Variants in BBX observed in about 807,000 individuals in gnomAD.
The protein encoded by BBX is BBX high mobility group box domain containing, also known as HMG box transcription factor BBX.
In BBX, 30 loss-of-function variants were observed where a neutral mutation model predicts 100.2. The ratio of observed to expected loss-of-function variants is 0.30; its 90% confidence interval spans 0.22 to 0.41. The LOEUF (loss-of-function observed/expected upper bound fraction) is 0.41, where lower values mean the gene tolerates loss of function less well. Ranked by LOEUF, BBX falls within the 10% of genes least tolerant of loss-of-function variation. The pLI is 1.00. For missense variants in BBX, 1,023 were observed against 1,129.8 expected, an observed-to-expected ratio of 0.91 and a Z score of 1.35; for synonymous variants, 376 against 388.1, an observed-to-expected ratio of 0.97 and a Z score of 0.37.
chr3:107,539,436 T>C (rs935288061), intron 2 of BBX, among the ~76,000 whole-genome samples: 7 of 152,138 alleles, frequency 4.6e-5, no homozygotes, highest in Non-Finnish European at 8.8e-5. Context: ...CTTCAAGCTT[T>C]GGTTGTATAG....
intron 2 of BBX, among the ~76,000 whole-genome samples, chr3:107,554,840 G>T (rs992379350): frequency 6.6e-6 from 1 of 151,988 alleles, no homozygotes; most frequent in African/African-American, 2.4e-5. Context: ...AGGCTGAGGC[G>T]GGCAGATCAC....
chr3:107,792,574 T>C lies in BBX; in HGVS notation c.2353+1275T>C, dbSNP rs1559762303. 3.3e-5 allele frequency among the ~76,000 whole-genome samples: 5 copies of C among 152,344 alleles called. No individual in the cohort carries two copies. The South Asian group carries it at 1.0e-3, about 32-fold the overall frequency. ...ATCAGCTTCCGTGTCATTTTACTTTTACAGAAAACGCCAGCACTACATCTA... is the reference window on the plus strand; with the variant it reads ...ATCAGCTTCCGTGTCATTTTACTTTCACAGAAAACGCCAGCACTACATCTA... On this transcript the variant is annotated intron_variant, in intron 15 of 17. Transcript: ENST00000325805.
chr3:107,576,813 C>T (rs2051814726), intron 2 of BBX, among the ~76,000 whole-genome samples: 1 of 152,036 alleles, frequency 6.6e-6, no homozygotes, highest in South Asian at 2.1e-4. Context: ...ATTTTTCTTT[C>T]CTCCCGAAGC....
At chr3:107,801,698 T>C (rs1404331484) in intron 17 of BBX, among the ~76,000 whole-genome samples, 4 of 152,136 alleles carry the variant, frequency 2.6e-5, no homozygotes, top group Non-Finnish European at 5.9e-5. Flanking sequence ...GTGGCACTCA[T>C]TTCACAGAGA....
intron 2 of BBX, among the ~76,000 whole-genome samples, chr3:107,535,260 A>G (rs186393471): frequency 5.9e-5 from 9 of 152,228 alleles, no homozygotes. Context: ...TTTTTCTCCT[A>G]GAAGAGAGGT....
chr3:107,703,706 G>A (rs144594715), intron 3 of BBX, among the ~76,000 whole-genome samples: 1 of 152,306 alleles, frequency 6.6e-6, no homozygotes, highest in African/African-American at 2.4e-5. Flanking sequence ...TCTAAAATGA[G>A]AGTATTACTT....
intron 3 of BBX, among the ~76,000 whole-genome samples, chr3:107,660,404 A>G (rs958138871): frequency 1.3e-5 from 2 of 151,682 alleles, no homozygotes; most frequent in Non-Finnish European, 1.5e-5. Context: ...CATACCACTC[A>G]TATTTTAAAA....
At chr3:107,598,141 G>A (rs1196314279) in intron 2 of BBX, among the ~76,000 whole-genome samples, 1 of 152,176 alleles carries the variant, frequency 6.6e-6, no homozygotes, top group Non-Finnish European at 1.5e-5. Flanking sequence ...AGACTATTGT[G>A]ATAGTCATTG....
In BBX at chr3:107,665,333, C is replaced by A. The variant is rs993526911; in HGVS notation, c.-10+19424C>A. ...TTTATTAAACCATAGCCAGTCATTT[C>A]TTCTTGAGCTTTACTCTACTTTTTT... On this transcript the variant is annotated intron_variant, in intron 3 of 17. Transcript: ENST00000325805. Among the ~76,000 whole-genome samples the A allele has an allele frequency of 2.0e-5, 3 of 152,268 alleles. No homozygotes were observed. In the East Asian group the frequency reaches 5.8e-4, roughly 29 times the overall value.
intron 10 of BBX, 97 bp downstream of exon 10, chr3:107,755,775 A>C: frequency 9.8e-7 from 1 of 1,015,666 alleles, no homozygotes; most frequent in Non-Finnish European, 1.5e-6. Context: ...CTCTCCTGTG[A>C]CCATAAAATG....
chr3:107,589,028 C>G (rs1025490044), intron 2 of BBX, among the ~76,000 whole-genome samples: 4 of 152,146 alleles, frequency 2.6e-5, no homozygotes, highest in Non-Finnish European at 5.9e-5. Context: ...TATGTTACAC[C>G]TACTTAGATT....
intron 3 of BBX, among the ~76,000 whole-genome samples, chr3:107,669,626 T>G (rs1403530855): frequency 1.3e-5 from 2 of 152,190 alleles, no homozygotes; most frequent in Non-Finnish European, 2.9e-5. Flanking sequence ...GATTATCACT[T>G]AGAAACTGCT....
At chr3:107,800,126 A>G (rs1341893266) in intron 16 of BBX, among the ~76,000 whole-genome samples, 2 of 152,224 alleles carry the variant, frequency 1.3e-5, no homozygotes, top group East Asian at 3.8e-4. Context: ...CTGTCATATA[A>G]GAGAAAAAAT....
chr3:107,781,413 T>C (rs1184490349), intron 13 of BBX, among the ~76,000 whole-genome samples: 2 of 152,126 alleles, frequency 1.3e-5, no homozygotes, highest in African/African-American at 2.4e-5. Context: ...TCCCTTTCCT[T>C]CTAAAAATGA....
At chr3:107,673,270 A>G (rs2059116726) in intron 3 of BBX, among the ~76,000 whole-genome samples, 2 of 152,090 alleles carry the variant, frequency 1.3e-5, no homozygotes, top group Non-Finnish European at 2.9e-5. Context: ...TGGTTTCAGG[A>G]GTTGCAAAAC....
intron 2 of BBX, among the ~76,000 whole-genome samples, chr3:107,580,789 G>A (rs1192170086): frequency 1.3e-5 from 2 of 152,140 alleles, no homozygotes; most frequent in African/African-American, 4.8e-5. Flanking sequence ...GCACCACCAT[G>A]CCTGGCTAAT....
intron 3 of BBX, among the ~76,000 whole-genome samples, chr3:107,693,952 T>C (rs2060378474): frequency 6.6e-6 from 1 of 151,078 alleles, no homozygotes; most frequent in African/African-American, 2.5e-5. Flanking sequence ...TTTATTCTCT[T>C]TGAAGCAGTT....
intron 2 of BBX, among the ~76,000 whole-genome samples, chr3:107,610,550 A>G (rs1008486787): frequency 6.6e-6 from 1 of 152,036 alleles, no homozygotes; most frequent in Non-Finnish European, 1.5e-5. Context: ...TGTATTTACA[A>G]TTATTAGATT....
chr3:107,747,251 T>G (rs116717390), intron 8 of BBX, among the ~76,000 whole-genome samples: 7,112 of 150,972 alleles, frequency 0.047, 497 homozygotes, highest in African/African-American at 0.16. Context: ...GTGTGTGTGT[T>G]TGTGTTGGGT....
Sources: gnomAD v4.1 joint callset for allele counts (sites outside exome capture counted in the v4.1 genomes callset) on GRCh38, gnomAD v4.1.1 for gene constraint, MANE v1.5 for transcripts, NCBI Gene and HGNC (gene_info 2026-07-23, HGNC 2026-07-21) for gene names.